IFFO1: variants seen among roughly 807,000 people sequenced by gnomAD.
IFFO1 encodes the protein non-homologous end joining factor IFFO1.
IFFO1 carries 42 observed loss-of-function variants against 59.6 expected under a neutral mutation model. The ratio of observed to expected loss-of-function variants is 0.70; its 90% confidence interval spans 0.55 to 0.91. IFFO1 has a LOEUF of 0.91. IFFO1 is among the 40% of genes least tolerant of loss of function. The pLI is 0.00. For missense variants in IFFO1, 711 were observed against 793.2 expected, an observed-to-expected ratio of 0.90 and a Z score of 1.24; for synonymous variants, 336 against 342.8, an observed-to-expected ratio of 0.98 and a Z score of 0.22.
intron 1 of IFFO1, among the ~76,000 whole-genome samples, chr12:6,554,517 G>C (rs868256862): frequency 5.5e-4 from 83 of 152,132 alleles, no homozygotes; most frequent in African/African-American, 1.9e-3. Context: ...AGAATGCACC[G>C]GGCCCGCCCC....
At chr12:6,550,102 G>A (rs1423574326) in intron 3 of IFFO1, 2 of 531,198 alleles carry the variant, frequency 3.8e-6, no homozygotes, top group African/African-American at 3.8e-5. Context: ...GGGCGGCTCG[G>A]GCCACTGCTC....
Position 6,555,537 on chromosome 12 carries a change from C to A in IFFO1, c.493G>T (p.Gly165Cys). The A allele has an allele frequency of 6.5e-7, 1 of 1,546,420 alleles. No homozygotes were observed. The highest frequency in any genetic ancestry group is 2.0e-4 in the Middle Eastern group (1 of 4,990). The part of the protein sequence containing the change: ...VLGSPARSPA[G>C]PLAPSAASLS... Reference sequence around the variant, plus strand: ...CTGGCCGCGGAGGGCGCGAGGGGGCCGGCCGGGGAGCGCGCGGGCGAGCCC... The same window carrying A: ...CTGGCCGCGGAGGGCGCGAGGGGGCAGGCCGGGGAGCGCGCGGGCGAGCCC... The change falls in exon 1 of 10, where the codon GGC becomes TGC. Residue 165 changes from glycine (G) to cysteine (C), a missense_variant. Around this residue, in one of 3 missense-constraint regions of IFFO1, gnomAD observed 579 missense variants for 650.3 expected, o/e 0.89. Coordinates refer to ENST00000619571, the MANE Select transcript of IFFO1 (RefSeq NM_001193457.2). The surrounding 1 kb of genome is among the most constrained non-coding windows in gnomAD (Gnocchi z 8.6).
At position 6,555,895 on chromosome 12, in the gene IFFO1, C is replaced by A. The variant is rs1336477602; in HGVS notation, c.135G>T (p.Pro45=). The A allele has an allele frequency of 6.3e-6, 10 of 1,575,382 alleles. No individual in the cohort carries two copies. Among genetic ancestry groups the A allele is most frequent in the East Asian group, 2.3e-5 (1 of 43,386 alleles). The change falls in exon 1 of 10, where the codon CCG becomes CCT. Residue 45 remains proline (P), a synonymous_variant. Coordinates refer to ENST00000619571, the MANE Select transcript of IFFO1 (RefSeq NM_001193457.2). This position sits in a 1 kb window ranked among gnomAD's most constrained non-coding sequence, Gnocchi z 8.6. The part of the protein sequence containing the change: ...GGDLPPAPLS[P]AGPAAYSPPG... ...GCGGCGAGTAGGCAGCAGGGCCGGC[C>A]GGCGAGAGAGGCGCCGGGGGCAAGT...
Position 6,544,069 on chromosome 12 carries a change from T to G in IFFO1, c.1480-2427A>C, listed in dbSNP as rs370582637. On this transcript the variant is annotated intron_variant, in intron 8 of 9. Transcript: ENST00000619571. ...TTCCCCCGGGTCAGTGGAAAAACTG[T>G]CTTCCACAAACCAGTCCCTGGTACC... is the stretch of plus-strand genomic sequence containing the variant. 5.8e-4 allele frequency among the ~76,000 whole-genome samples: 89 copies of G among 152,276 alleles called. No homozygotes were observed. The South Asian group carries it at 6.0e-3, about 10-fold the overall frequency.
intron 8 of IFFO1, among the ~76,000 whole-genome samples, chr12:6,542,012 C>A (rs373842225): frequency 6.6e-6 from 1 of 152,156 alleles, no homozygotes; most frequent in African/African-American, 2.4e-5. Flanking sequence ...CCCTGTACTG[C>A]GCTGGTCCTG....
Position 6,540,459 on chromosome 12 carries a change from C to T in IFFO1, c.*24G>A, listed in dbSNP as rs370947943. 170 of 1,586,378 alleles carry T rather than the reference C, an allele frequency of 1.1e-4. 1 individual carries two copies. In the East Asian group the frequency reaches 3.7e-3, roughly 35 times the overall value. The stretch of plus-strand genomic sequence containing the variant: ...GCTGAGCTCCCTGCTGCGAGGGCCT[C>T]GGGTGCAAGGGGGAGGCAGGTCTCT... On this transcript the variant is annotated 3_prime_UTR_variant, in exon 10 of 10. Transcript: ENST00000619571.
intron 8 of IFFO1, among the ~76,000 whole-genome samples, chr12:6,547,776 GAAAGA>G (rs928509081): frequency 6.6e-6 from 1 of 150,596 alleles, no homozygotes; most frequent in African/African-American, 2.5e-5. Context: ...AGGAAGGAAG[GAAAGA>G]AAGGAAAGGA....
At chr12:6,544,559 G>A (rs549072428) in intron 8 of IFFO1, among the ~76,000 whole-genome samples, 18 of 152,204 alleles carry the variant, frequency 1.2e-4, no homozygotes, top group Non-Finnish European at 2.5e-4. Flanking sequence ...GTCCAGGGAA[G>A]ACTAGGGAGA....
Position 6,555,213 on chromosome 12 carries a change from G to A in IFFO1, c.773+44C>T, listed in dbSNP as rs931701110. 1.3e-6 allele frequency: 2 copies of A among 1,592,546 alleles called. No individual in the cohort carries two copies. Among genetic ancestry groups the A allele is most frequent in the Non-Finnish European group, 1.7e-6 (2 of 1,161,410 alleles). On this transcript the variant is annotated intron_variant, in intron 1 of 9. Transcript: ENST00000619571. The surrounding 1 kb of genome is among the most constrained non-coding windows in gnomAD (Gnocchi z 8.6). Reference sequence around the variant, plus strand: ...CACACCAACTCGCGGCCCGTTGTGAGTGGTATGACACAGAGAGACCTGTCC... The same window carrying A: ...CACACCAACTCGCGGCCCGTTGTGAATGGTATGACACAGAGAGACCTGTCC...
chr12:6,549,940 C>T lies in IFFO1; in HGVS notation c.931-44G>A, dbSNP rs751241271. 2.5e-6 allele frequency: 4 copies of T among 1,590,800 alleles called. No individual in the cohort carries two copies. Among genetic ancestry groups the T allele is most frequent in the South Asian group, 2.3e-5 (2 of 88,302 alleles). On this transcript the variant is annotated intron_variant, in intron 3 of 9. Transcript: ENST00000619571. The surrounding 1 kb of genome is among the most constrained non-coding windows in gnomAD (Gnocchi z 5.0). The stretch of plus-strand genomic sequence containing the variant: ...GAACAGTGAGGAGGCGCCCAGTTCT[C>T]CAGACAAGGACGAATTAGGCCTGGC...
Position 6,541,613 on chromosome 12 carries a change from C to A in IFFO1, c.1509G>T (p.Met503Ile), listed in dbSNP as rs1355324811. The A allele has an allele frequency of 1.2e-6, 2 of 1,614,056 alleles. No homozygotes were observed. Among genetic ancestry groups the A allele is most frequent in the Admixed American group, 3.3e-5 (2 of 60,014 alleles). Reference sequence around the variant, plus strand: ...CCATGTACTCGTGCAGGTGCCGGTTCATGTCGTTCTTGGCCGTGGCCAACT... The same window carrying A: ...CCATGTACTCGTGCAGGTGCCGGTTAATGTCGTTCTTGGCCGTGGCCAACT... ...ELELATAKND[M>I]NRHLHEYMEM... Residue 503 changes from methionine (M) to isoleucine (I), a missense_variant, in exon 9 of 10, where the codon ATG becomes ATT. Transcript: ENST00000619571. The surrounding 1 kb of genome is among the most constrained non-coding windows in gnomAD (Gnocchi z 4.8).
In IFFO1 at chr12:6,555,556, C is replaced by T. The variant is rs1184567670; in HGVS notation, c.474G>A (p.Ser158=). The stretch of plus-strand genomic sequence containing the variant: ...GGGGGCCGGCCGGGGAGCGCGCGGG[C>T]GAGCCCAGCACGCGCGCCGAAGGGC... ...VCSPSARVLG[S]PARSPAGPLA... Residue 158 remains serine (S), a synonymous_variant, in exon 1 of 10, where the codon TCG becomes TCA. Coordinates refer to ENST00000619571, the MANE Select transcript of IFFO1 (RefSeq NM_001193457.2). The surrounding 1 kb of genome is among the most constrained non-coding windows in gnomAD (Gnocchi z 8.6). 7 of 1,510,848 alleles carry T rather than the reference C, an allele frequency of 4.6e-6. No homozygotes were observed. The highest frequency in any genetic ancestry group is 2.3e-5 in the Admixed American group (1 of 42,816). The allele number at this position is 1,510,848 out of a possible 1,614,324, so 93.6% of individuals were successfully genotyped here.
rs780377911 is a variant in IFFO1 at position 6,555,496 on chromosome 12, G to A, written c.534C>T (p.Ser178=). 1 of 1,603,910 alleles carries A rather than the reference G, an allele frequency of 6.2e-7. No homozygotes were observed. Among genetic ancestry groups the A allele is most frequent in the South Asian group, 1.1e-5 (1 of 90,006 alleles). The change falls in exon 1 of 10, where the codon TCC becomes TCT. Residue 178 remains serine, a synonymous_variant. Coordinates refer to ENST00000619571, the MANE Select transcript of IFFO1 (RefSeq NM_001193457.2). This position sits in a 1 kb window ranked among gnomAD's most constrained non-coding sequence, Gnocchi z 8.6. ...APSAASLSSS[S]TSTSTTYSSS... ...AGGAATAGGTGGTGGAGGTGGAGGT[G>A]GAGGACGACGAGAGGCTGGCCGCGG...
In IFFO1 at chr12:6,541,297, G is replaced by T. The variant is rs1946698509; in HGVS notation, c.1610+215C>A. ...GAACCACCAGAGCTGGTGGCCTTGG[G>T]AGGTTTCAGCCCTCCCGTCATGAAT... is the stretch of plus-strand genomic sequence containing the variant. On this transcript the variant is annotated intron_variant, in intron 9 of 9. Coordinates refer to ENST00000619571, the MANE Select transcript of IFFO1 (RefSeq NM_001193457.2). The surrounding 1 kb of genome is among the most constrained non-coding windows in gnomAD (Gnocchi z 4.8). Among the ~76,000 whole-genome samples, 1 of 152,154 alleles carries T rather than the reference G, an allele frequency of 6.6e-6. No homozygotes were observed. The highest frequency in any genetic ancestry group is 2.4e-5 in the African/African-American group (1 of 41,424).
In IFFO1 at chr12:6,555,487, G is replaced by A. The variant is rs752609610; in HGVS notation, c.543C>T (p.Thr181=). The change falls in exon 1 of 10, where the codon ACC becomes ACT. Residue 181 remains threonine (T), a synonymous_variant. Transcript: ENST00000619571. This position sits in a 1 kb window ranked among gnomAD's most constrained non-coding sequence, Gnocchi z 8.6. ...GGGCCGACGAGGAATAGGTGGTGGA[G>A]GTGGAGGTGGAGGACGACGAGAGGC... ...AASLSSSSTS[T]STTYSSSARF... 13 of 1,607,988 alleles carry A rather than the reference G, an allele frequency of 8.1e-6. No individual in the cohort carries two copies. Among genetic ancestry groups the A allele is most frequent in the Admixed American group, 1.7e-5 (1 of 58,992 alleles).
chr12:6,541,530 A>G lies in IFFO1; in HGVS notation c.1592T>C (p.Ile531Thr). ...CGCCTACCGGTCTCCAGACTGGGTGATGAGCCGGCGGCAGGTCTCCATCTG... is the reference window on the plus strand; with the variant it reads ...CGCCTACCGGTCTCCAGACTGGGTGGTGAGCCGGCGGCAGGTCTCCATCTG... ...DVQMETCRRL[I>T]TQSGDRKSPA... Residue 531 changes from isoleucine to threonine, a missense_variant, in exon 9 of 10, where the codon ATC becomes ACC. By Grantham distance (89) the Ile-to-Thr change is moderately conservative (BLOSUM62 -1). Coordinates refer to ENST00000619571, the MANE Select transcript of IFFO1 (RefSeq NM_001193457.2). This position sits in a 1 kb window ranked among gnomAD's most constrained non-coding sequence, Gnocchi z 4.8. The G allele has an allele frequency of 6.2e-7, 1 of 1,613,994 alleles. No homozygotes were observed. The highest frequency in any genetic ancestry group is 1.7e-4 in the Middle Eastern group (1 of 6,024).
In IFFO1 at chr12:6,541,335, T is replaced by A. The variant is rs1363451903; in HGVS notation, c.1610+177A>T. On this transcript the variant is annotated intron_variant, in intron 9 of 9. Transcript: ENST00000619571. The surrounding 1 kb of genome is among the most constrained non-coding windows in gnomAD (Gnocchi z 4.8). ...TCCCGTCATGAATGGACATAGCTCATCCAACTGCCAAGGGAGAGAGCTGTG... is the reference window on the plus strand; with the variant it reads ...TCCCGTCATGAATGGACATAGCTCAACCAACTGCCAAGGGAGAGAGCTGTG... 3.3e-5 allele frequency among the ~76,000 whole-genome samples: 5 copies of A among 152,130 alleles called. No homozygotes were observed. Among genetic ancestry groups the A allele is most frequent in the Admixed American group, 6.5e-5 (1 of 15,288 alleles).
At chr12:6,545,418 G>A (rs182241348) in intron 8 of IFFO1, among the ~76,000 whole-genome samples, 6 of 151,776 alleles carry the variant, frequency 4.0e-5, no homozygotes, top group Middle Eastern at 3.4e-3. Context: ...TCTCTCTGCC[G>A]GGCGCGGTGG....
Position 6,549,318 on chromosome 12 carries a change from G to A in IFFO1, c.1080+158C>T. The A allele has an allele frequency of 2.8e-6, 2 of 707,878 alleles. No homozygotes were observed. The highest frequency in any genetic ancestry group is 2.5e-5 in the East Asian group (1 of 40,408). The allele number at this position is 707,878 out of a possible 1,614,324, so 43.8% of individuals were successfully genotyped here. A position where few individuals can be genotyped will look rare whatever the true frequency, so the allele number is the denominator to read the frequency against. On this transcript the variant is annotated intron_variant, in intron 5 of 9. Coordinates refer to ENST00000619571, the MANE Select transcript of IFFO1 (RefSeq NM_001193457.2). The surrounding 1 kb of genome is among the most constrained non-coding windows in gnomAD (Gnocchi z 5.0). The stretch of plus-strand genomic sequence containing the variant: ...GAAAGAAATGCAGTCAAGAGAACAA[G>A]AGATAGAGAGAAAAAGGGGGAAGAG...
Sources: allele counts gnomAD v4.1 joint callset (sites outside exome capture counted in the v4.1 genomes callset), GRCh38; gene constraint gnomAD v4.1.1; regional missense constraint gnomAD v4.1.1; non-coding constraint Gnocchi (gnomAD v3.1); transcripts MANE v1.5; gene names NCBI Gene and HGNC (gene_info 2026-07-23, HGNC 2026-07-21).